ANKRD44: variants seen among roughly 807,000 people sequenced by gnomAD.
ANKRD44 encodes ankyrin repeat domain 44.
Under a neutral mutation model 116.0 loss-of-function variants are expected in ANKRD44, and 35 were observed. The observed-to-expected ratio is 0.30, with a 90% CI of 0.23 to 0.40. The LOEUF is 0.40. ANKRD44 is among the 10% of genes least tolerant of loss of function. The pLI is 1.00. For synonymous variants in ANKRD44, 435 were observed against 461.8 expected, an observed-to-expected ratio of 0.94 and a Z score of 0.74; for missense variants, 1,014 against 1,242.6, an observed-to-expected ratio of 0.82 and a Z score of 2.77.
intron 1 of ANKRD44, among the ~76,000 whole-genome samples, chr2:197,204,276 GA>G (rs1423190506): frequency 6.6e-6 from 1 of 151,936 alleles, no homozygotes; most frequent in African/African-American, 2.4e-5. Flanking sequence ...AGGACTAGAA[GA>G]AAATTTATAA....
downstream of ANKRD44, among the ~76,000 whole-genome samples, chr2:196,984,028 T>G (rs1258975429): frequency 2.0e-5 from 3 of 152,222 alleles, no homozygotes; most frequent in African/African-American, 4.8e-5. Flanking sequence ...CCTTCCAAAG[T>G]TCTTTCTCAA....
chr2:197,159,796 G>T (rs1240013469), intron 2 of ANKRD44, among the ~76,000 whole-genome samples: 1 of 152,150 alleles, frequency 6.6e-6, no homozygotes, highest in Non-Finnish European at 1.5e-5. Flanking sequence ...TACAGGACAG[G>T]AATTAAGGTT....
chr2:197,020,846 TG>T (rs1200657620), intron 17 of ANKRD44, among the ~76,000 whole-genome samples: 5,561 of 151,546 alleles, frequency 0.037, 348 homozygotes, highest in African/African-American at 0.13. Flanking sequence ...ATGTGCACAA[TG>T]TGCAGGTTTG....
At chr2:197,290,414 T>C (rs1465940348) in intron 1 of ANKRD44, among the ~76,000 whole-genome samples, 1 of 152,236 alleles carries the variant, frequency 6.6e-6, no homozygotes, top group Non-Finnish European at 1.5e-5. Flanking sequence ...GAGAAATGTC[T>C]ATTCACTTCT....
chr2:197,193,825 T>C (rs1289022404), intron 1 of ANKRD44, among the ~76,000 whole-genome samples: 1 of 151,994 alleles, frequency 6.6e-6, no homozygotes, highest in Non-Finnish European at 1.5e-5. Context: ...GAGCTTGCAG[T>C]GAGCCGAGAT....
At position 196,973,508 on chromosome 2, in the gene ANKRD44, C is replaced by G. The variant is rs557985891; in HGVS notation, c.2369-6062G>C. 8.5e-5 allele frequency among the ~76,000 whole-genome samples: 13 copies of G among 152,274 alleles called. No homozygotes were observed. The South Asian group carries it at 2.7e-3, about 32-fold the overall frequency. On this transcript the variant is annotated intron_variant, in intron 21 of 21. Transcript: ENST00000424317. ...AGTATCTCCCCACGCAAAGGATGCA[C>G]ATGAACCGGAGATTTAAAAAAATCT...
intron 1 of ANKRD44, among the ~76,000 whole-genome samples, chr2:197,207,819 C>CA (rs2081241210): frequency 6.6e-6 from 1 of 152,112 alleles, no homozygotes; most frequent in Non-Finnish European, 1.5e-5. Context: ...TTTGGCAACT[C>CA]AAAGAAAAAC....
At chr2:197,007,313 A>C (rs993237856) in intron 20 of ANKRD44, among the ~76,000 whole-genome samples, 11 of 152,228 alleles carry the variant, frequency 7.2e-5, no homozygotes, top group Non-Finnish European at 1.3e-4. Flanking sequence ...TGATATACTA[A>C]GAGAAAAAAG....
intron 1 of ANKRD44, among the ~76,000 whole-genome samples, chr2:197,305,967 TTA>T (rs374313668): frequency 0.024 from 2,948 of 124,686 alleles, 308 homozygotes; most frequent in African/African-American, 0.099. Context: ...GCAGTTCGTT[TTA>T]TATATATATA....
intron 1 of ANKRD44, among the ~76,000 whole-genome samples, chr2:197,231,443 T>C (rs35710712): frequency 0.16 from 23,906 of 151,654 alleles, 2,397 homozygotes; most frequent in African/African-American, 0.29. Flanking sequence ...AAAAAAAAAA[T>C]TGAGCTAAGG....
chr2:197,230,309 C>T (rs972502623), intron 1 of ANKRD44, among the ~76,000 whole-genome samples: 1 of 152,110 alleles, frequency 6.6e-6, no homozygotes. Context: ...GGGAATACAG[C>T]TACTATGAAC....
At chr2:197,078,273 A>T (rs1165472006) in intron 16 of ANKRD44, 1 of 161,446 alleles carries the variant, frequency 6.2e-6, no homozygotes, top group Non-Finnish European at 1.3e-5. Flanking sequence ...GAAAGCCTTC[A>T]CTCTGCCACT....
intron 2 of ANKRD44, among the ~76,000 whole-genome samples, chr2:197,186,650 A>T (rs1574229713): frequency 1.5e-5 from 1 of 65,632 alleles, no homozygotes; most frequent in Non-Finnish European, 3.0e-5. Context: ...TTTTTTTTAG[A>T]GACAGAGTTT....
intron 27 of ANKRD44, chr2:196,991,069 C>T (rs2075906809): frequency 1.3e-6 from 1 of 744,994 alleles, no homozygotes; most frequent in Non-Finnish European, 1.8e-6. Flanking sequence ...CGAGGAGTTA[C>T]TTCTCACAAG....
In ANKRD44 at chr2:197,083,508, T is replaced by C. The variant is rs766530226; in HGVS notation, c.1318A>G (p.Thr440Ala). The C allele has an allele frequency of 1.9e-6, 3 of 1,608,308 alleles. No homozygotes were observed. The Admixed American group carries it at 5.1e-5, about 27-fold the overall frequency. Reference protein sequence around the residue: ...DFHKKDKCGRTPLHYAAANCH... With the variant: ...DFHKKDKCGRAPLHYAAANCH... Reference sequence around the variant, plus strand: ...TTCGCAGCTGCATAGTGCAAAGGGGTCCTGAAAAACAAACAGCAATTTATT... The same window carrying C: ...TTCGCAGCTGCATAGTGCAAAGGGGCCCTGAAAAACAAACAGCAATTTATT... Residue 440 changes from threonine (T) to alanine (A), a missense_variant and splice_region_variant, in exon 14 of 28, where the codon ACC (threonine) becomes GCC (alanine). Physicochemically the swap from Thr to Ala is moderately conservative, Grantham distance 58 (BLOSUM62 0). Transcript: ENST00000282272.
At chr2:197,118,639 GAA>G (rs751783789) in intron 8 of ANKRD44, among the ~76,000 whole-genome samples, 6 of 135,912 alleles carry the variant, frequency 4.4e-5, no homozygotes, top group African/African-American at 8.5e-5. Context: ...GAGAGAGAGA[GAA>G]AGAAAGAAAG....
At chr2:197,024,814 A>G (rs931993530) in intron 17 of ANKRD44, among the ~76,000 whole-genome samples, 1 of 152,220 alleles carries the variant, frequency 6.6e-6, no homozygotes, top group African/African-American at 2.4e-5. Context: ...TCAATTAGCC[A>G]TAGGTTTTCC....
intron 16 of ANKRD44, among the ~76,000 whole-genome samples, chr2:197,031,315 G>C (rs1462059729): frequency 6.6e-6 from 1 of 152,104 alleles, no homozygotes; most frequent in Non-Finnish European, 1.5e-5. Context: ...TATATTTCCA[G>C]TGAATGTGTA....
chr2:196,987,614 T>C lies in ANKRD44; in HGVS notation c.*1977A>G, dbSNP rs1355325335. 9.1e-6 allele frequency: 9 copies of C among 985,228 alleles called. No homozygotes were observed. Among genetic ancestry groups the C allele is most frequent in the African/African-American group, 5.2e-5 (3 of 57,246 alleles). 61.0% of individuals were successfully genotyped at this position (985,228 alleles called of 1,614,324 possible). A position where few individuals can be genotyped will look rare whatever the true frequency, so the allele number is the denominator to read the frequency against. On this transcript the variant is annotated 3_prime_UTR_variant, in exon 28 of 28. Coordinates refer to ENST00000282272, the MANE Select transcript of ANKRD44 (RefSeq NM_001195144.2). ...TACTGCCTAAAGTACCAAAACATACTATGGTGCCCTTTTAGTAGTGATAAA... is the reference window on the plus strand; with the variant it reads ...TACTGCCTAAAGTACCAAAACATACCATGGTGCCCTTTTAGTAGTGATAAA...
Sources: allele counts gnomAD v4.1 joint callset (sites outside exome capture counted in the v4.1 genomes callset), GRCh38; gene constraint gnomAD v4.1.1; transcripts MANE v1.5; gene names NCBI Gene and HGNC (gene_info 2026-07-23, HGNC 2026-07-21).